BIN2: variants seen among roughly 807,000 people sequenced by gnomAD.
BIN2 encodes the protein breast cancer associated protein BRAP1.
BIN2 carries 43 observed loss-of-function variants against 67.9 expected under a neutral mutation model. The ratio of observed to expected loss-of-function variants is 0.63; its 90% CI spans 0.50 to 0.82. BIN2 has a LOEUF of 0.82. Ranked by LOEUF, BIN2 falls within the 40% of genes least tolerant of loss-of-function variation. The probability of loss-of-function intolerance (pLI) is 0.00; values close to 1 mark genes in which losing one functional copy is unlikely to be tolerated. For missense variants in BIN2, 581 were observed against 671.6 expected, an observed-to-expected ratio of 0.87 and a Z score of 1.49; for synonymous variants, 244 against 246.8, an observed-to-expected ratio of 0.99 and a Z score of 0.11.
intron 2 of BIN2, among the ~76,000 whole-genome samples, chr12:51,304,833 G>A (rs752791406): frequency 6.6e-6 from 1 of 150,482 alleles, no homozygotes. Context: ...TGGCTAACAC[G>A]GTGAAAGCCC....
In BIN2 at chr12:51,290,850, G is replaced by A. The variant is rs908566832; in HGVS notation, c.1515+741C>T. ...CGGGAGGCTGAGGCAGGAAAATGGT[G>A]TGAACCCGGGAGGCGGAGCTTGCAG... On this transcript the variant is annotated intron_variant, in intron 10 of 12. Transcript: ENST00000615107. Among the ~76,000 whole-genome samples the A allele has an allele frequency of 1.6e-4, 24 of 151,998 alleles. 1 individual carries two copies. The highest frequency in any genetic ancestry group is 1.4e-3 in the Admixed American group (21 of 15,256).
At chr12:51,298,374 A>G (rs997580692) in intron 7 of BIN2, among the ~76,000 whole-genome samples, 1 of 152,000 alleles carries the variant, frequency 6.6e-6, no homozygotes, top group Non-Finnish European at 1.5e-5. Flanking sequence ...CTGTCTCAAA[A>G]CAAAACAAAC....
At chr12:51,309,623 G>T (rs1334240835) in intron 2 of BIN2, among the ~76,000 whole-genome samples, 1 of 151,792 alleles carries the variant, frequency 6.6e-6, no homozygotes. Context: ...TGGCCCTTCC[G>T]CTTCAGCCTC....
chr12:51,291,348 T>C (rs897233065), intron 10 of BIN2, among the ~76,000 whole-genome samples: 1 of 151,840 alleles, frequency 6.6e-6, no homozygotes, highest in Non-Finnish European at 1.5e-5. Context: ...GTGGCTCACA[T>C]CTGTAATCTC....
At position 51,291,967 on chromosome 12, in the gene BIN2, G is replaced by A; in HGVS notation, c.1139C>T (p.Pro380Leu). ...PGGALSPSGQ[P>L]SSSATEVVLR... ...GACTACTTCTGTGGCAGATGATGAA[G>A]GCTGCCCTGAAGGGCTCAGGGCTCC... Residue 380 changes from proline to leucine, a missense_variant, in exon 10 of 13, where the codon CCT becomes CTT. Transcript: ENST00000615107. The A allele has an allele frequency of 6.2e-7, 1 of 1,614,172 alleles. No homozygotes were observed. The highest frequency in any genetic ancestry group is 8.5e-7 in the Non-Finnish European group (1 of 1,180,040).
chr12:51,310,056 T>C (rs1945958573), intron 2 of BIN2, among the ~76,000 whole-genome samples: 1 of 152,236 alleles, frequency 6.6e-6, no homozygotes, highest in African/African-American at 2.4e-5. Context: ...CTGCAACTTA[T>C]ATGCTGTTAC....
intron 1 of BIN2, among the ~76,000 whole-genome samples, chr12:51,318,884 A>G (rs1186718118): frequency 6.6e-6 from 1 of 152,112 alleles, no homozygotes; most frequent in African/African-American, 2.4e-5. Flanking sequence ...CCTTGCCTGT[A>G]AATGCTTATA....
Position 51,299,540 on chromosome 12 carries a change from T to C in BIN2, c.516+67A>G, listed in dbSNP as rs1845586509. 23 of 1,480,062 alleles carry C rather than the reference T, an allele frequency of 1.6e-5. No homozygotes were observed. The South Asian group carries it at 2.6e-4, about 17-fold the overall frequency. The allele number at this position is 1,480,062 out of a possible 1,614,324, so 91.7% of individuals were successfully genotyped here. A position where few individuals can be genotyped will look rare whatever the true frequency, so the allele number is the denominator to read the frequency against. On this transcript the variant is annotated intron_variant, in intron 6 of 12. Transcript: ENST00000615107. The stretch of plus-strand genomic sequence containing the variant: ...CTATACCCATGTTGGCCCAGCCACC[T>C]GCTACCACCATGGGGAGAAGGAGAA...
chr12:51,319,421 G>A (rs76134223), intron 1 of BIN2, among the ~76,000 whole-genome samples: 1,991 of 152,326 alleles, frequency 0.013, 34 homozygotes, highest in African/African-American at 0.045. Flanking sequence ...ACTGTGTCAT[G>A]GGTGTTCTTC....
chr12:51,295,303 C>T (rs1345896290), intron 9 of BIN2, among the ~76,000 whole-genome samples: 1 of 149,218 alleles, frequency 6.7e-6, no homozygotes, highest in Non-Finnish European at 1.5e-5. Flanking sequence ...AATCCCAGCA[C>T]TTTGTGAGGC....
chr12:51,306,846 A>G (rs1270176667), intron 2 of BIN2, among the ~76,000 whole-genome samples: 1 of 152,228 alleles, frequency 6.6e-6, no homozygotes, highest in Admixed American at 6.5e-5. Flanking sequence ...TCATTTATAG[A>G]AAAAAGCTTA....
chr12:51,308,307 A>T (rs1422912378), intron 2 of BIN2, among the ~76,000 whole-genome samples: 1 of 152,096 alleles, frequency 6.6e-6, no homozygotes, highest in Non-Finnish European at 1.5e-5. Context: ...TCTAGCTCTA[A>T]ATCTTATGAC....
chr12:51,296,322 CT>C (rs1945566164), intron 8 of BIN2, among the ~76,000 whole-genome samples: 1 of 152,016 alleles, frequency 6.6e-6, no homozygotes, highest in African/African-American at 2.4e-5. Flanking sequence ...TGGTGAAACC[CT>C]GTCTCTACTA....
intron 9 of BIN2, among the ~76,000 whole-genome samples, chr12:51,294,430 G>A (rs1401735690): frequency 5.3e-5 from 8 of 152,056 alleles, no homozygotes; most frequent in Non-Finnish European, 1.2e-4. Context: ...AGCCGGGTGT[G>A]GTGGCATGTG....
At chr12:51,287,240 A>G (rs560135089) in intron 11 of BIN2, among the ~76,000 whole-genome samples, 1 of 151,734 alleles carries the variant, frequency 6.6e-6, no homozygotes, top group Non-Finnish European at 1.5e-5. Context: ...AGTGTCGAAC[A>G]CCTGGGCTCA....
At chr12:51,295,643 C>G (rs1351788362) in intron 9 of BIN2, among the ~76,000 whole-genome samples, 153 bp downstream of exon 9, 1 of 113,100 alleles carries the variant, frequency 8.8e-6, no homozygotes, top group African/African-American at 3.4e-5. Flanking sequence ...TAGTAAAAAG[C>G]AAAATAATTT....
upstream of BIN2, chr12:51,324,195 G>C: frequency 3.3e-6 from 5 of 1,535,112 alleles, no homozygotes; most frequent in South Asian, 5.0e-5. Context: ...GGCATGCCTC[G>C]CATCCGGCCC....
intron 10 of BIN2, 118 bp from the exon 11 acceptor site, chr12:51,288,306 T>TCC: frequency 1.3e-6 from 1 of 746,470 alleles, no homozygotes; most frequent in Non-Finnish European, 2.3e-6. Flanking sequence ...CGAGGTAGCC[T>TCC]TGGTCAGACA....
At chr12:51,305,983 T>C (rs1231926772) in intron 2 of BIN2, among the ~76,000 whole-genome samples, 1 of 151,726 alleles carries the variant, frequency 6.6e-6, no homozygotes, top group Non-Finnish European at 1.5e-5. Flanking sequence ...ACTACAGGTG[T>C]GTGCCACCAC....
Sources: allele counts gnomAD v4.1 joint callset (sites outside exome capture counted in the v4.1 genomes callset), GRCh38; gene constraint gnomAD v4.1.1; transcripts MANE v1.5; gene names NCBI Gene and HGNC (gene_info 2026-07-23, HGNC 2026-07-21).